ENO4: variants seen among roughly 807,000 people sequenced by gnomAD.
ENO4 encodes the protein 2-phospho-D-glycerate hydro-lyase.
A neutral mutation model predicts 63.2 loss-of-function variants in ENO4; 53 were observed. The observed-to-expected ratio is 0.84, with a 90% CI of 0.67 to 1.05. The LOEUF (loss-of-function observed/expected upper bound fraction) is 1.05. Ranked by LOEUF, ENO4 falls within the 50% of genes least tolerant of loss-of-function variation. The probability of loss-of-function intolerance (pLI) is 0.00; values close to 1 mark genes in which losing one functional copy is unlikely to be tolerated. For missense variants in ENO4, 719 were observed against 772.0 expected (o/e 0.93, Z 0.81); for synonymous variants, 266 against 283.8 (o/e 0.94, Z 0.63).
intron 7 of ENO4, 176 bp from the exon 8 acceptor site, chr10:116,868,474 A>C (rs1244850279): frequency 1.4e-6 from 1 of 709,252 alleles, no homozygotes; most frequent in African/African-American, 1.7e-5. Context: ...GTGGCATATA[A>C]AGTAGGGAGT....
At chr10:116,897,017 G>A (rs922684223) in intron 10 of ENO4, among the ~76,000 whole-genome samples, 11 of 151,996 alleles carry the variant, frequency 7.2e-5, no homozygotes, top group East Asian at 1.9e-4. Flanking sequence ...ATGTTGGCCC[G>A]GCTGGTCTTG....
At chr10:116,891,466 A>G (rs1217691028) in intron 10 of ENO4, among the ~76,000 whole-genome samples, 1 of 152,222 alleles carries the variant, frequency 6.6e-6, no homozygotes, top group Non-Finnish European at 1.5e-5. Context: ...TTTACAATAA[A>G]AATGGATAAA....
chr10:116,896,060 A>G (rs1847506197), intron 10 of ENO4, among the ~76,000 whole-genome samples: 1 of 152,180 alleles, frequency 6.6e-6, no homozygotes, highest in African/African-American at 2.4e-5. Context: ...ATTTCAGCAC[A>G]TTTCCTCTTA....
intron 10 of ENO4, among the ~76,000 whole-genome samples, chr10:116,889,003 CTT>C (rs1847250704): frequency 6.6e-6 from 1 of 152,244 alleles, no homozygotes; most frequent in Admixed American, 6.5e-5. Flanking sequence ...TGGGCCCACT[CTT>C]ATGTAAGCCA....
rs1846691724 is a variant in ENO4 at position 116,871,392 on chromosome 10, A to T, written c.1215+100A>T. 5 of 1,083,554 alleles carry T rather than the reference A, an allele frequency of 4.6e-6. No homozygotes were observed. In the East Asian group the frequency reaches 1.3e-4, roughly 28 times the overall value. The allele number at this position is 1,083,554 out of a possible 1,614,324, so 67.1% of individuals were successfully genotyped here. A position where few individuals can be genotyped will look rare whatever the true frequency, so the allele number is the denominator to read the frequency against. ...GCTTATCTGAATATTGTCCAAACAG[A>T]TCTTATTGTTTTTTTATTAATATTG... On this transcript the variant is annotated intron_variant, in intron 9 of 13. Transcript: ENST00000341276.
At chr10:116,869,610 A>T (rs1312134298) in intron 8 of ENO4, among the ~76,000 whole-genome samples, 2 of 152,232 alleles carry the variant, frequency 1.3e-5, no homozygotes, top group African/African-American at 4.8e-5. Flanking sequence ...ATATGTTGGA[A>T]TGAGCACAGC....
At chr10:116,884,075 C>T, downstream of ENO4, 1 of 356,102 alleles carries the variant, frequency 2.8e-6, no homozygotes, top group Non-Finnish European at 5.7e-6. Context: ...CTTTCCCAAA[C>T]AGAAGGAAGC....
At chr10:116,883,088 CTAAAT>C (rs1243233263), downstream of ENO4, 8 of 151,670 alleles carry the variant, frequency 5.3e-5, no homozygotes, top group South Asian at 2.1e-4. Context: ...AACAAAATAA[CTAAAT>C]TAAATTAACC....
intron 10 of ENO4, among the ~76,000 whole-genome samples, chr10:116,909,057 T>C (rs1390886216): frequency 6.6e-6 from 1 of 152,178 alleles, no homozygotes; most frequent in Non-Finnish European, 1.5e-5. Context: ...AATCATAAAA[T>C]TTGAGAATCA....
Position 116,855,747 on chromosome 10 carries a change from C to G in ENO4, c.290C>G (p.Pro97Arg). ...ATATTCTGCACCATTCAAAACTTTC[C>G]CAAGGTATGAGGCAGTTTAAGTGTG... ...VDIFCTIQNF[P>R]KNVCSVVIST... The change falls in exon 2 of 14, where the codon CCC becomes CGC. Residue 97 changes from proline (P) to arginine (R), a missense_variant. This residue lies in a region of ENO4 where 544 missense variants were observed against 583.6 expected (regional missense o/e 0.93). Transcript: ENST00000341276. 2.0e-6 allele frequency: 3 copies of G among 1,534,436 alleles called. No individual in the cohort carries two copies. The highest frequency in any genetic ancestry group is 2.6e-6 in the Non-Finnish European group (3 of 1,145,484).
chr10:116,903,745 C>T (rs1847846308), intron 10 of ENO4, among the ~76,000 whole-genome samples: 1 of 152,132 alleles, frequency 6.6e-6, no homozygotes, highest in Non-Finnish European at 1.5e-5. Flanking sequence ...ACAATCTGTC[C>T]TTGTAAGAAA....
chr10:116,911,753 C>T lies in ENO4; in HGVS notation c.*181C>T, dbSNP rs1283822411. On this transcript the variant is annotated 3_prime_UTR_variant, in exon 11 of 11. Transcript: ENST00000369207. ...TTTTAAAATACTCTCCTTTCATTTC[C>T]CCATTAGCTAAACAATAAACTGAAA... is the stretch of plus-strand genomic sequence containing the variant. 3 of 1,583,954 alleles carry T rather than the reference C, an allele frequency of 1.9e-6. No individual in the cohort carries two copies. The South Asian group carries it at 3.3e-5, about 18-fold the overall frequency.
At chr10:116,877,817 G>A (rs1846880982) in intron 11 of ENO4, among the ~76,000 whole-genome samples, 1 of 152,202 alleles carries the variant, frequency 6.6e-6, no homozygotes, top group South Asian at 2.1e-4. Context: ...GCATCCCTGT[G>A]AAGTAGACAC....
In ENO4 at chr10:116,899,506, G is replaced by GGTGTGTGTGTGTGT. The variant is rs370396879; in HGVS notation, c.1195-11965_1195-11952dup. Among the ~76,000 whole-genome samples, 342 of 124,550 alleles carry GGTGTGTGTGTGTGT rather than the reference G, an allele frequency of 2.7e-3. 4 individuals are homozygous for GGTGTGTGTGTGTGT. Among genetic ancestry groups the GGTGTGTGTGTGTGT allele is most frequent in the African/African-American group, 9.3e-3 (317 of 34,156 alleles). 81.7% of individuals were successfully genotyped at this position (124,550 alleles called of 152,430 possible). ...AAGGGAAGTTAGAGTGGCTGGGGCTGGTGTGTGTGTGTGTGTGTGTGTGTG... is the reference window on the plus strand; with the variant it reads ...AAGGGAAGTTAGAGTGGCTGGGGCTGGTGTGTGTGTGTGTGTGTGTGTGTGTGTGTGTGTGTGTG... On this transcript the variant is annotated intron_variant, in intron 10 of 10. Coordinates refer to the ENO4 transcript ENST00000369207.
At chr10:116,899,800 T>G (rs1016948100) in intron 10 of ENO4, among the ~76,000 whole-genome samples, 12 of 152,210 alleles carry the variant, frequency 7.9e-5, no homozygotes, top group Non-Finnish European at 1.8e-4. Context: ...AGGCCAAGTC[T>G]ATAAAGTAAG....
At chr10:116,887,470 C>A (rs1343310767), downstream of ENO4, among the ~76,000 whole-genome samples, 1 of 152,130 alleles carries the variant, frequency 6.6e-6, no homozygotes, top group Non-Finnish European at 1.5e-5. Context: ...TCCCTGAGAA[C>A]TGGCTGTTAA....
chr10:116,906,800 C>A, intron 10 of ENO4: 1 of 1,383,008 alleles, frequency 7.2e-7, no homozygotes, highest in Non-Finnish European at 9.7e-7. Context: ...ATACAATATA[C>A]AAAAGAATAT....
chr10:116,869,266 G>A (rs904831850), intron 8 of ENO4, among the ~76,000 whole-genome samples: 1 of 152,178 alleles, frequency 6.6e-6, no homozygotes, highest in Non-Finnish European at 1.5e-5. Flanking sequence ...TGTCAGTCAC[G>A]TTGGTGATTG....
At chr10:116,911,493 G>A (rs1278772649) in intron 10 of ENO4, 1 of 1,550,336 alleles carries the variant, frequency 6.5e-7, no homozygotes, top group Middle Eastern at 1.7e-4. Flanking sequence ...CCTTACATAT[G>A]GCCAGCCACT....
Sources: allele counts gnomAD v4.1 joint callset (sites outside exome capture counted in the v4.1 genomes callset), GRCh38; gene constraint gnomAD v4.1.1; regional missense constraint gnomAD v4.1.1; transcripts MANE v1.5; gene names NCBI Gene and HGNC (gene_info 2026-07-23, HGNC 2026-07-21).